ZNF608: variants seen among roughly 807,000 people sequenced by gnomAD.
The protein encoded by ZNF608 is zinc finger protein 608.
Under a neutral mutation model 109.0 loss-of-function variants are expected in ZNF608, and 12 were observed. The observed-to-expected ratio is 0.11, with a 90% CI of 0.07 to 0.18. ZNF608 has a LOEUF of 0.18. Ranked by LOEUF, ZNF608 falls within the 10% of genes least tolerant of loss-of-function variation. The probability of loss-of-function intolerance (pLI) is 1.00; values close to 1 mark genes in which losing one functional copy is unlikely to be tolerated. For synonymous variants in ZNF608, 732 were observed against 717.4 expected, an observed-to-expected ratio of 1.02 and a Z score of -0.33; for missense variants, 1,707 against 1,879.3, an observed-to-expected ratio of 0.91 and a Z score of 1.70.
intron 3 of ZNF608, among the ~76,000 whole-genome samples, chr5:124,699,866 T>C (rs578254597): frequency 6.6e-6 from 1 of 152,312 alleles, no homozygotes; most frequent in African/African-American, 2.4e-5. Context: ...TTACCCTCAA[T>C]ATTCCCCATC....
intron 2 of ZNF608, among the ~76,000 whole-genome samples, chr5:124,742,245 C>G (rs1749442767): frequency 6.6e-6 from 1 of 152,200 alleles, no homozygotes; most frequent in South Asian, 2.1e-4. Flanking sequence ...GTTGCCATGA[C>G]AGCAGCCTTT....
In ZNF608 at chr5:124,687,282, A is replaced by G. The variant is rs535074827; in HGVS notation, c.1162+13732T>C. Among the ~76,000 whole-genome samples the G allele has an allele frequency of 3.9e-5, 6 of 152,302 alleles. No individual in the cohort carries two copies. The East Asian group carries it at 1.2e-3, about 29-fold the overall frequency. On this transcript the variant is annotated intron_variant, in intron 3 of 9. Coordinates refer to ENST00000513986, the MANE Select transcript of ZNF608 (RefSeq NM_020747.3). ...CTAATTATGGGACTCATCTCCGTAA[A>G]TGAGAAAATGCTAACTAGATGGTGT...
intron 3 of ZNF608, among the ~76,000 whole-genome samples, chr5:124,683,847 T>C (rs1340743006): frequency 6.6e-6 from 1 of 152,226 alleles, no homozygotes; most frequent in East Asian, 1.9e-4. Context: ...AGTCACTGGA[T>C]CTGGTACAGG....
At chr5:124,727,732 CCT>C (rs1491448969) in intron 2 of ZNF608, among the ~76,000 whole-genome samples, 32 of 117,602 alleles carry the variant, frequency 2.7e-4, no homozygotes, top group Non-Finnish European at 4.9e-4. Context: ...CTCCAGGTAT[CCT>C]TTTTTTTTTT....
chr5:124,648,852 T>C lies in ZNF608; in HGVS notation c.1532A>G (p.Asn511Ser). ...KNKPPMELDL[N>S]SSSEDNKPGK... ...AGGCTTATTGTCCTCAGAGCTGGAG[T>C]TCAGGTCCAGCTCCATTGGAGGCTT... The change falls in exon 5 of 10, where the codon AAC (asparagine) becomes AGC (serine). Residue 511 changes from asparagine to serine, a missense_variant. Physicochemically the swap from Asn to Ser is conservative, Grantham distance 46. Coordinates refer to ENST00000513986, the MANE Select transcript of ZNF608 (RefSeq NM_020747.3). The C allele has an allele frequency of 3.1e-6, 5 of 1,613,932 alleles. No homozygotes were observed. The highest frequency in any genetic ancestry group is 2.7e-5 in the African/African-American group (2 of 74,988).
chr5:124,710,523 G>T (rs1180229855), intron 2 of ZNF608: 9 of 246,146 alleles, frequency 3.7e-5, no homozygotes, highest in Non-Finnish European at 7.3e-5. Flanking sequence ...AGCATCGTGG[G>T]TCGGCTACAG....
chr5:124,744,621 G>A lies in ZNF608; in HGVS notation c.369C>T (p.Ala123=), dbSNP rs1228424995. The change falls in exon 2 of 10, where the codon GCC becomes GCT. Residue 123 remains alanine (A), a synonymous_variant. Transcript: ENST00000513986. The surrounding 1 kb of genome is among the most constrained non-coding windows in gnomAD (Gnocchi z 4.5). ...TGCTGATCTCGGGAATCCCATACAA[G>A]GCAGCAGAAGGCAGAGATTTATTAG... is the stretch of plus-strand genomic sequence containing the variant. ...KDANKSLPSA[A]LYGIPEISST... is the part of the protein sequence containing the mutation. The A allele has an allele frequency of 5.0e-6, 8 of 1,614,090 alleles. No individual in the cohort carries two copies. The Admixed American group carries it at 1.0e-4, about 20-fold the overall frequency.
chr5:124,648,484 G>A lies in ZNF608; in HGVS notation c.1900C>T (p.Pro634Ser). Residue 634 changes from proline (P) to serine (S), a missense_variant, in exon 5 of 10, where the codon CCT (proline) becomes TCT (serine). Pro to Ser is a moderately conservative substitution (Grantham distance 74). Transcript: ENST00000513986. ...APASPGAGNP[P>S]GTPKGKRELM... ...TCTCTCTTTCCCTTTGGGGTCCCAG[G>A]TGGGTTTCCAGCACCAGGGGATGCC... 2 of 1,614,182 alleles carry A rather than the reference G, an allele frequency of 1.2e-6. No individual in the cohort carries two copies. Among genetic ancestry groups the A allele is most frequent in the Non-Finnish European group, 1.7e-6 (2 of 1,180,040 alleles).
At chr5:124,694,077 G>A (rs1172008393) in intron 3 of ZNF608, among the ~76,000 whole-genome samples, 4 of 133,792 alleles carry the variant, frequency 3.0e-5, no homozygotes, top group South Asian at 2.6e-4. Context: ...CCGGTTTCAC[G>A]CCATTCTCCT....
At chr5:124,655,382 T>A (rs1439399930) in intron 3 of ZNF608, among the ~76,000 whole-genome samples, 1 of 152,170 alleles carries the variant, frequency 6.6e-6, no homozygotes, top group Admixed American at 6.5e-5. Flanking sequence ...GGGACAGAAG[T>A]CTTTGCCAAG....
chr5:124,746,375 C>CCT lies in ZNF608; in HGVS notation c.-366_-365dup. ...TAACATTATTCCACCTCCCCACCCC[C>CCT]CTTTTGGCAAACGAATCAGTCCTTT... On this transcript the variant is annotated 5_prime_UTR_variant, in exon 1 of 10. Coordinates refer to ENST00000513986, the MANE Select transcript of ZNF608 (RefSeq NM_020747.3). 5.1e-6 allele frequency: 5 copies of CCT among 985,380 alleles called. No individual in the cohort carries two copies. The highest frequency in any genetic ancestry group is 6.0e-6 in the Non-Finnish European group (5 of 829,944). The allele number at this position is 985,380 out of a possible 1,614,324, so 61.0% of individuals were successfully genotyped here. A position where few individuals can be genotyped will look rare whatever the true frequency, so the allele number is the denominator to read the frequency against.
chr5:124,705,675 C>T (rs1753230684), intron 2 of ZNF608, among the ~76,000 whole-genome samples: 1 of 152,192 alleles, frequency 6.6e-6, no homozygotes, highest in Admixed American at 6.5e-5. Context: ...GGGGGCTTAA[C>T]CTTGAGAAGC....
intron 2 of ZNF608, among the ~76,000 whole-genome samples, chr5:124,718,339 C>T (rs543189193): frequency 2.6e-5 from 4 of 152,292 alleles, no homozygotes; most frequent in Non-Finnish European, 4.4e-5. Context: ...GAAAAATAAA[C>T]CTAATCTAAG....
At position 124,730,747 on chromosome 5, in the gene ZNF608, G is replaced by C. The variant is rs557494612; in HGVS notation, c.906+13337C>G. On this transcript the variant is annotated intron_variant, in intron 2 of 9. Transcript: ENST00000513986. The stretch of plus-strand genomic sequence containing the variant: ...TGTAGTATACAGAACAGGTTAGAGA[G>C]GAGAAGCAAGAGACAAGAACTCTTG... Among the ~76,000 whole-genome samples the C allele has an allele frequency of 7.9e-5, 12 of 152,278 alleles. No individual in the cohort carries two copies. In the South Asian group the frequency reaches 2.5e-3, roughly 32 times the overall value.
rs537908480 is a variant in ZNF608, at chr5:124,746,592, G to T, written c.-581C>A. 5.6e-5 allele frequency: 55 copies of T among 985,354 alleles called. No homozygotes were observed. In the African/African-American group the frequency reaches 9.4e-4, roughly 17 times the overall value. 61.0% of individuals were successfully genotyped at this position (985,354 alleles called of 1,614,324 possible). On this transcript the variant is annotated 5_prime_UTR_variant, in exon 1 of 10. Transcript: ENST00000513986. Reference sequence around the variant, plus strand: ...CAGTTCCAGACTTCAGAGTCACCGTGATCAGTAATGATCCCATGTAGCAAA... The same window carrying T: ...CAGTTCCAGACTTCAGAGTCACCGTTATCAGTAATGATCCCATGTAGCAAA...
At chr5:124,682,320 G>A (rs949456401) in intron 3 of ZNF608, among the ~76,000 whole-genome samples, 2 of 152,312 alleles carry the variant, frequency 1.3e-5, no homozygotes, top group East Asian at 3.9e-4. Flanking sequence ...TGATCCTTCC[G>A]CCTTGGCCTC....
chr5:124,649,504 C>T lies in ZNF608; in HGVS notation c.1250+106G>A. On this transcript the variant is annotated intron_variant, in intron 4 of 9. Transcript: ENST00000513986. Reference sequence around the variant, plus strand: ...TCCTAAATTGCTCATTTCTCCTTTGCCTGGTTTCAATTACAGGCACACTTT... The same window carrying T: ...TCCTAAATTGCTCATTTCTCCTTTGTCTGGTTTCAATTACAGGCACACTTT... 3 of 898,492 alleles carry T rather than the reference C, an allele frequency of 3.3e-6. No individual in the cohort carries two copies. The South Asian group carries it at 5.2e-5, about 16-fold the overall frequency. The allele number at this position is 898,492 out of a possible 1,614,324, so 55.7% of individuals were successfully genotyped here. A position where few individuals can be genotyped will look rare whatever the true frequency, so the allele number is the denominator to read the frequency against.
chr5:124,676,129 A>C (rs1751936589), intron 3 of ZNF608, among the ~76,000 whole-genome samples: 1 of 152,208 alleles, frequency 6.6e-6, no homozygotes, highest in Non-Finnish European at 1.5e-5. Context: ...TTGAGAACTT[A>C]GTGTGTTCTC....
chr5:124,686,764 G>C (rs138837012), intron 3 of ZNF608, among the ~76,000 whole-genome samples: 1 of 152,180 alleles, frequency 6.6e-6, no homozygotes. Flanking sequence ...AAAGTTGTCT[G>C]TCAACATGGA....
Sources: allele counts gnomAD v4.1 joint callset (sites outside exome capture counted in the v4.1 genomes callset), GRCh38; gene constraint gnomAD v4.1.1; non-coding constraint Gnocchi (gnomAD v3.1); transcripts MANE v1.5; gene names NCBI Gene and HGNC (gene_info 2026-07-23, HGNC 2026-07-21).